The following ATRNL1 variants were observed in gnomAD, a reference collection of about 807,000 sequenced individuals.
The protein encoded by ATRNL1 is attractin like 1.
ATRNL1 carries 95 observed loss-of-function variants against 182.7 expected under a neutral mutation model. The ratio of observed to expected loss-of-function variants is 0.52; its 90% CI spans 0.44 to 0.62. The LOEUF is 0.62. Among genes scored for constraint, ATRNL1 ranks in the 20% least tolerant of loss-of-function variants. The probability of loss-of-function intolerance (pLI) is 0.00; values close to 1 mark genes in which losing one functional copy is unlikely to be tolerated. For synonymous variants in ATRNL1, 576 were observed against 568.3 expected, an observed-to-expected ratio of 1.01 and a Z score of -0.19; for missense variants, 1,471 against 1,679.5, an observed-to-expected ratio of 0.88 and a Z score of 2.17.
At chr10:115,097,427 A>G (rs1267196075) in intron 1 of ATRNL1, among the ~76,000 whole-genome samples, 1 of 152,224 alleles carries the variant, frequency 6.6e-6, no homozygotes, top group East Asian at 1.9e-4. Context: ...TTGAGGCTGC[A>G]GTGAGCTGTA....
chr10:115,445,992 T>C (rs1027060945), intron 21 of ATRNL1, among the ~76,000 whole-genome samples: 1 of 152,198 alleles, frequency 6.6e-6, no homozygotes, highest in Non-Finnish European at 1.5e-5. Flanking sequence ...TGTTTACCAT[T>C]CAGTTGAGGT....
intron 28 of ATRNL1, among the ~76,000 whole-genome samples, chr10:115,920,626 A>G (rs1210163019): frequency 2.0e-5 from 3 of 152,244 alleles, no homozygotes; most frequent in Non-Finnish European, 4.4e-5. Flanking sequence ...AGAGGAGCCC[A>G]AAAGTGCATG....
intron 6 of ATRNL1, among the ~76,000 whole-genome samples, 153 bp from the exon 7 acceptor site, chr10:115,165,405 T>G (rs1390218231): frequency 5.9e-5 from 9 of 152,048 alleles, no homozygotes; most frequent in African/African-American, 1.9e-4. Flanking sequence ...TATTAGAAAT[T>G]TCTAATATGG....
intron 8 of ATRNL1, 122 bp downstream of exon 8, chr10:115,171,414 TTAA>T (rs782268576): frequency 2.5e-6 from 2 of 786,312 alleles, no homozygotes; most frequent in Admixed American, 3.8e-5. Context: ...AAGCTGATAA[TTAA>T]TAATTTTTAA....
At chr10:115,232,712 TGTGC>T (rs1554900301) in intron 9 of ATRNL1, among the ~76,000 whole-genome samples, 4 of 152,110 alleles carry the variant, frequency 2.6e-5, no homozygotes, top group Admixed American at 2.6e-4. Flanking sequence ...TGTATGTGTG[TGTGC>T]ACAACCAGAA....
rs1849695085 is a variant in ATRNL1 at position 115,499,210 on chromosome 10, G to T, written c.3655-20053G>T. On this transcript the variant is annotated intron_variant, in intron 24 of 28. Coordinates refer to ENST00000355044, the MANE Select transcript of ATRNL1 (RefSeq NM_207303.4). The stretch of plus-strand genomic sequence containing the variant: ...CTAACATTTATAACAATATTTTTTT[G>T]ACAAAAATAGGTTTTAACTTCAAGA... 3.3e-5 allele frequency among the ~76,000 whole-genome samples: 5 copies of T among 151,674 alleles called. No individual in the cohort carries two copies. In the South Asian group the frequency reaches 1.0e-3, roughly 32 times the overall value.
chr10:115,780,693 A>G (rs1555079128), intron 27 of ATRNL1, among the ~76,000 whole-genome samples: 1 of 152,102 alleles, frequency 6.6e-6, no homozygotes, highest in Non-Finnish European at 1.5e-5. Flanking sequence ...TGACATTTCT[A>G]GTTATATCCT....
intron 24 of ATRNL1, among the ~76,000 whole-genome samples, chr10:115,517,372 TTC>T (rs1186176386): frequency 6.6e-6 from 1 of 151,914 alleles, no homozygotes; most frequent in East Asian, 1.9e-4. Flanking sequence ...CTATTATATC[TTC>T]TTACAGTATT....
chr10:115,537,971 G>A (rs1426630796), intron 25 of ATRNL1, among the ~76,000 whole-genome samples: 3 of 151,982 alleles, frequency 2.0e-5, no homozygotes, highest in Non-Finnish European at 4.4e-5. Context: ...CATTCAAATG[G>A]CTTCTTTCCC....
intron 21 of ATRNL1, among the ~76,000 whole-genome samples, chr10:115,442,494 A>G (rs1262943270): frequency 4.6e-5 from 7 of 151,964 alleles, no homozygotes; most frequent in African/African-American, 1.7e-4. Context: ...TTTTGCTGTA[A>G]AGGGCCAAAT....
At chr10:115,396,475 A>C (rs1433006013) in intron 20 of ATRNL1, among the ~76,000 whole-genome samples, 26 of 152,098 alleles carry the variant, frequency 1.7e-4, no homozygotes, top group African/African-American at 6.3e-4. Flanking sequence ...AATAACTTTT[A>C]AATAAGAACT....
At chr10:115,524,721 A>C (rs1475049853) in intron 25 of ATRNL1, among the ~76,000 whole-genome samples, 3 of 152,178 alleles carry the variant, frequency 2.0e-5, no homozygotes, top group Non-Finnish European at 4.4e-5. Flanking sequence ...CTATTTATAC[A>C]CTTAAAGAGT....
chr10:115,374,305 A>G (rs759498483), intron 19 of ATRNL1, among the ~76,000 whole-genome samples: 8 of 151,558 alleles, frequency 5.3e-5, no homozygotes, highest in Non-Finnish European at 4.4e-5. Flanking sequence ...TCTTAGTTTC[A>G]TTGATCTTTT....
chr10:115,208,937 AC>A (rs1848909407), intron 8 of ATRNL1, among the ~76,000 whole-genome samples: 1 of 151,914 alleles, frequency 6.6e-6, no homozygotes, highest in Non-Finnish European at 1.5e-5. Context: ...TTTGGATCTC[AC>A]TGAGTTTCTG....
chr10:115,603,477 C>T (rs1856720229), intron 26 of ATRNL1, among the ~76,000 whole-genome samples: 1 of 152,122 alleles, frequency 6.6e-6, no homozygotes, highest in Non-Finnish European at 1.5e-5. Flanking sequence ...ACCCATATCA[C>T]TTAAAAAATT....
intron 25 of ATRNL1, among the ~76,000 whole-genome samples, chr10:115,534,716 T>C (rs562430587): frequency 4.7e-4 from 72 of 152,162 alleles, no homozygotes; most frequent in African/African-American, 1.7e-3. Context: ...GGTCTTTACA[T>C]TTTGGCATGA....
In ATRNL1 at chr10:115,469,199, C is replaced by T; in HGVS notation, c.3524C>T (p.Ser1175Phe). 1 of 1,344,502 alleles carries T rather than the reference C, an allele frequency of 7.4e-7. No individual in the cohort carries two copies. The highest frequency in any genetic ancestry group is 9.9e-7 in the Non-Finnish European group (1 of 1,006,220). The allele number at this position is 1,344,502 out of a possible 1,614,324, so 83.3% of individuals were successfully genotyped here. ...TAGTISGEETSIVSKNNIKEY... is the reference protein window; with the variant it reads ...TAGTISGEETFIVSKNNIKEY... The stretch of plus-strand genomic sequence containing the variant: ...GGAACAATATCTGGGGAAGAGACTT[C>T]TATAGTTTCCAAGAATAATATAAAG... Residue 1175 changes from serine (S) to phenylalanine (F), a missense_variant, in exon 24 of 29, where the codon TCT becomes TTT. Ser to Phe is a radical substitution (Grantham distance 155). Coordinates refer to ENST00000355044, the MANE Select transcript of ATRNL1 (RefSeq NM_207303.4).
At chr10:115,198,966 A>G (rs566515058) in intron 8 of ATRNL1, among the ~76,000 whole-genome samples, 6 of 152,198 alleles carry the variant, frequency 3.9e-5, no homozygotes, top group African/African-American at 1.4e-4. Flanking sequence ...TTTTTGCTTA[A>G]GGTTGCCTTA....
At chr10:115,500,166 G>A (rs1262583272) in intron 24 of ATRNL1, among the ~76,000 whole-genome samples, 1 of 152,166 alleles carries the variant, frequency 6.6e-6, no homozygotes, top group Non-Finnish European at 1.5e-5. Context: ...AGGCATGTAT[G>A]AATGTGGCTT....
Sources: allele counts gnomAD v4.1 joint callset (sites outside exome capture counted in the v4.1 genomes callset), GRCh38; gene constraint gnomAD v4.1.1; transcripts MANE v1.5; gene names NCBI Gene and HGNC (gene_info 2026-07-23, HGNC 2026-07-21).